Variants in CTNNA3 observed in about 807,000 individuals in gnomAD.
CTNNA3 encodes catenin alpha-3.
Under a neutral mutation model 95.7 loss-of-function variants are expected in CTNNA3, and 76 were observed. The ratio of observed to expected loss-of-function variants is 0.79; its 90% CI spans 0.66 to 0.96. The LOEUF is 0.96. CTNNA3 is among the 40% of genes least tolerant of loss of function. CTNNA3 has a pLI of 0.00. For synonymous variants in CTNNA3, 431 were observed against 374.4 expected, an observed-to-expected ratio of 1.15 and a Z score of -1.74; for missense variants, 1,191 against 1,089.8, an observed-to-expected ratio of 1.09 and a Z score of -1.31.
chr10:67,523,784 T>C (rs1840056361), intron 4 of CTNNA3, among the ~76,000 whole-genome samples: 2 of 152,176 alleles, frequency 1.3e-5, no homozygotes, highest in South Asian at 4.1e-4. Flanking sequence ...TCAACATAAT[T>C]TTAATGACCT....
At chr10:67,264,673 T>G (rs549383588) in intron 5 of CTNNA3, among the ~76,000 whole-genome samples, 1 of 152,298 alleles carries the variant, frequency 6.6e-6, no homozygotes, top group African/African-American at 2.4e-5. Flanking sequence ...ATCTTTTATG[T>G]GTTTGTTTTC....
At chr10:67,708,469 G>A (rs754403093) in intron 1 of CTNNA3, among the ~76,000 whole-genome samples, 10 of 151,952 alleles carry the variant, frequency 6.6e-5, no homozygotes, top group Admixed American at 1.3e-4. Context: ...TCAGAGACAC[G>A]GAACACCTAG....
chr10:67,644,794 G>C (rs867652554), intron 2 of CTNNA3, among the ~76,000 whole-genome samples: 6 of 147,714 alleles, frequency 4.1e-5, no homozygotes, highest in African/African-American at 1.5e-4. Flanking sequence ...CTTGAGTATT[G>C]CTAAGACCAT....
chr10:67,040,260 T>C (rs1358905302), intron 7 of CTNNA3, among the ~76,000 whole-genome samples: 1 of 152,040 alleles, frequency 6.6e-6, no homozygotes, highest in African/African-American at 2.4e-5. Context: ...ATCCTAAGGG[T>C]TCCAGATAAG....
At chr10:66,491,083 T>C (rs867308533) in intron 11 of CTNNA3, among the ~76,000 whole-genome samples, 1 of 152,130 alleles carries the variant, frequency 6.6e-6, no homozygotes, top group Non-Finnish European at 1.5e-5. Context: ...AGAGAAGAAA[T>C]GCAATTGAAG....
intron 14 of CTNNA3, among the ~76,000 whole-genome samples, chr10:66,095,480 T>G (rs577435928): frequency 1.3e-5 from 2 of 152,284 alleles, no homozygotes; most frequent in Admixed American, 1.3e-4. Flanking sequence ...AATGAGGTCA[T>G]GTGTCCCAAT....
chr10:66,233,455 T>A (rs1006260827), intron 13 of CTNNA3, among the ~76,000 whole-genome samples: 3 of 152,134 alleles, frequency 2.0e-5, no homozygotes, highest in Non-Finnish European at 2.9e-5. Context: ...ATTTAGAATA[T>A]GTAAAAGTCT....
intron 1 of CTNNA3, among the ~76,000 whole-genome samples, chr10:67,759,722 G>T (rs1213365644): frequency 6.6e-6 from 1 of 152,142 alleles, no homozygotes; most frequent in Non-Finnish European, 1.5e-5. Context: ...GAATTATCGT[G>T]CTGACCTTGA....
chr10:67,269,494 C>A (rs1388769100), intron 5 of CTNNA3, among the ~76,000 whole-genome samples: 1 of 152,042 alleles, frequency 6.6e-6, no homozygotes, highest in Non-Finnish European at 1.5e-5. Context: ...AAGTCATAAG[C>A]AAGCAACACA....
rs1191900106 is a variant in CTNNA3, at chr10:65,916,676, G to T, written c.*3654C>A. Reference sequence around the variant, plus strand: ...AAATTTATTAGTCAATTTATACCTGGGATAGAGATGAGAGACAGGAGAGAG... The same window carrying T: ...AAATTTATTAGTCAATTTATACCTGTGATAGAGATGAGAGACAGGAGAGAG... On this transcript the variant is annotated 3_prime_UTR_variant, in exon 18 of 18. Transcript: ENST00000433211. 2.0e-5 allele frequency: 3 copies of T among 152,104 alleles called. No individual in the cohort carries two copies. In the East Asian group the frequency reaches 5.8e-4, roughly 29 times the overall value. 9.4% of individuals were successfully genotyped at this position (152,104 alleles called of 1,614,324 possible). A position where few individuals can be genotyped will look rare whatever the true frequency, so the allele number is the denominator to read the frequency against.
intron 13 of CTNNA3, among the ~76,000 whole-genome samples, chr10:66,207,770 G>A (rs373596612): frequency 6.6e-6 from 1 of 151,978 alleles, no homozygotes; most frequent in East Asian, 1.9e-4. Context: ...AAGGACTAGG[G>A]CTTGTAATGA....
At chr10:67,719,253 C>G (rs1421545357) in intron 1 of CTNNA3, among the ~76,000 whole-genome samples, 1 of 151,598 alleles carries the variant, frequency 6.6e-6, no homozygotes. Context: ...AAAAACAGTT[C>G]CTGGATTCAT....
intron 7 of CTNNA3, among the ~76,000 whole-genome samples, chr10:67,002,411 A>C (rs1300676960): frequency 6.6e-6 from 1 of 152,158 alleles, no homozygotes; most frequent in Non-Finnish European, 1.5e-5. Context: ...GAAATGTTTT[A>C]ATTTTTAATG....
intron 15 of CTNNA3, among the ~76,000 whole-genome samples, chr10:66,069,083 A>G (rs1485063490): frequency 2.6e-5 from 4 of 152,132 alleles, no homozygotes; most frequent in African/African-American, 9.7e-5. Flanking sequence ...AGAGAGTATA[A>G]GTGGTGTCCA....
rs549285778 is a variant in CTNNA3 at position 67,438,650 on chromosome 10, T to A, written c.579+83192A>T. On this transcript the variant is annotated intron_variant, in intron 5 of 17. Coordinates refer to ENST00000433211, the MANE Select transcript of CTNNA3 (RefSeq NM_013266.4). ...GCTGAAAGAAGCACTGAAGAGGGTA[T>A]GAAAGACAGCTTTGAATTGCTGGTG... 7.9e-5 allele frequency among the ~76,000 whole-genome samples: 12 copies of A among 152,258 alleles called. No individual in the cohort carries two copies. In the South Asian group the frequency reaches 2.5e-3, roughly 32 times the overall value.
chr10:66,280,616 G>T lies in CTNNA3; in HGVS notation c.1738C>A (p.Pro580Thr). Residue 580 changes from proline (P) to threonine (T), a missense_variant, in exon 13 of 18, where the codon CCT (proline) becomes ACT (threonine). Coordinates refer to ENST00000433211, the MANE Select transcript of CTNNA3 (RefSeq NM_013266.4). ...ACATTCACTTGTGTTACAAATTCAG[G>T]AATTACTGTTAAAATAAAGAATAAG... ...NVNFLTSTVI[P>T]EFVTQVNVAL... 6.2e-7 allele frequency: 1 copy of T among 1,602,692 alleles called. No homozygotes were observed. Among genetic ancestry groups the T allele is most frequent in the South Asian group, 1.1e-5 (1 of 89,800 alleles).
chr10:67,735,703 G>A (rs1841299050), intron 1 of CTNNA3, among the ~76,000 whole-genome samples: 1 of 152,124 alleles, frequency 6.6e-6, no homozygotes, highest in African/African-American at 2.4e-5. Flanking sequence ...ATTGCTTGAG[G>A]AATTGTAAAA....
intron 11 of CTNNA3, among the ~76,000 whole-genome samples, chr10:66,514,558 C>A: frequency 6.6e-6 from 1 of 152,036 alleles, no homozygotes; most frequent in Non-Finnish European, 1.5e-5. Flanking sequence ...TCAGAAAATC[C>A]AAAAACCATT....
intron 5 of CTNNA3, among the ~76,000 whole-genome samples, chr10:67,226,433 G>A (rs1035380473): frequency 2.6e-5 from 4 of 152,140 alleles, no homozygotes; most frequent in East Asian, 3.8e-4. Flanking sequence ...CAGGTTATCC[G>A]AAGTTAAGAT....
Sources: gnomAD v4.1 joint callset for allele counts (sites outside exome capture counted in the v4.1 genomes callset) on GRCh38, gnomAD v4.1.1 for gene constraint, MANE v1.5 for transcripts, NCBI Gene and HGNC (gene_info 2026-07-23, HGNC 2026-07-21) for gene names.